CNTN4: variants seen among roughly 807,000 people sequenced by gnomAD.
CNTN4 encodes contactin 4.
In CNTN4, 77 loss-of-function variants were observed where a neutral mutation model predicts 122.5. The ratio of observed to expected loss-of-function variants is 0.63; its 90% CI spans 0.52 to 0.76. The LOEUF (loss-of-function observed/expected upper bound fraction) is 0.76, where lower values mean the gene tolerates loss of function less well. CNTN4 is among the 30% of genes least tolerant of loss of function. CNTN4 has a pLI of 0.00. For missense variants in CNTN4, 1,256 were observed against 1,259.1 expected (o/e 1.00, Z 0.04); for synonymous variants, 512 against 447.0 (o/e 1.15, Z -1.83).
intron 2 of CNTN4, among the ~76,000 whole-genome samples, chr3:2,189,594 T>G (rs1442164653): frequency 6.6e-6 from 1 of 152,130 alleles, no homozygotes; most frequent in African/African-American, 2.4e-5. Context: ...GGCCATATTC[T>G]TCTCGCCTCC....
intron 2 of CNTN4, among the ~76,000 whole-genome samples, chr3:2,206,218 A>C (rs2038335836): frequency 1.3e-5 from 2 of 152,136 alleles, no homozygotes; most frequent in Non-Finnish European, 2.9e-5. Flanking sequence ...TCCAAACAAT[A>C]GGGAAACATC....
intron 3 of CNTN4, among the ~76,000 whole-genome samples, chr3:2,424,635 G>C (rs960077081): frequency 6.6e-6 from 1 of 152,120 alleles, no homozygotes; most frequent in Non-Finnish European, 1.5e-5. Context: ...CTTGAGGAAT[G>C]GCCACACTGT....
intron 6 of CNTN4, among the ~76,000 whole-genome samples, chr3:2,788,054 T>G (rs1229313940): frequency 6.6e-6 from 1 of 152,184 alleles, no homozygotes; most frequent in Non-Finnish European, 1.5e-5. Flanking sequence ...CCTCTCAAAG[T>G]GCTCGGATTA....
chr3:2,686,840 C>CTG (rs2085457263), intron 4 of CNTN4, among the ~76,000 whole-genome samples: 1 of 152,160 alleles, frequency 6.6e-6, no homozygotes, highest in Non-Finnish European at 1.5e-5. Flanking sequence ...CTGACATCTG[C>CTG]CCACTCTGGG....
At chr3:2,613,628 T>C (rs1027576533) in intron 4 of CNTN4, among the ~76,000 whole-genome samples, 8 of 152,274 alleles carry the variant, frequency 5.3e-5, no homozygotes, top group African/African-American at 1.9e-4. Flanking sequence ...AGGGCTAATT[T>C]TGACTCCAAT....
chr3:2,590,101 T>G (rs993960474), intron 4 of CNTN4, among the ~76,000 whole-genome samples: 1 of 152,222 alleles, frequency 6.6e-6, no homozygotes, highest in Non-Finnish European at 1.5e-5. Context: ...TGGGACAAAC[T>G]GTCGTCAGTT....
At chr3:2,756,948 G>C (rs1038148506) in intron 6 of CNTN4, among the ~76,000 whole-genome samples, 2 of 152,174 alleles carry the variant, frequency 1.3e-5, no homozygotes, top group African/African-American at 4.8e-5. Context: ...AGTGGTTCCA[G>C]GAAACAAACA....
At chr3:2,586,165 C>T (rs2080194573) in intron 4 of CNTN4, among the ~76,000 whole-genome samples, 2 of 152,150 alleles carry the variant, frequency 1.3e-5, no homozygotes, top group Admixed American at 6.5e-5. Context: ...ACAAGCATGG[C>T]CTCCCCAGAA....
At chr3:2,685,335 G>T (rs1032785716) in intron 4 of CNTN4, among the ~76,000 whole-genome samples, 5 of 152,106 alleles carry the variant, frequency 3.3e-5, no homozygotes, top group Non-Finnish European at 7.4e-5. Flanking sequence ...CCTTCAATTG[G>T]TGATAAAAAT....
chr3:2,141,275 A>T (rs993425050), intron 2 of CNTN4, among the ~76,000 whole-genome samples: 2 of 152,182 alleles, frequency 1.3e-5, no homozygotes, highest in African/African-American at 4.8e-5. Flanking sequence ...AATGAGGAAA[A>T]AATTCTGGAT....
At position 2,718,458 on chromosome 3, in the gene CNTN4, C is replaced by T. The variant is rs116776262; in HGVS notation, c.56-17757C>T. Among the ~76,000 whole-genome samples, 1,366 of 152,262 alleles carry T rather than the reference C, an allele frequency of 9.0e-3. 11 individuals are homozygous for T. The highest frequency in any genetic ancestry group is 0.031 in the African/African-American group (1,297 of 41,556). ...GTTAACAACTGCTCAGATCCTACTTCAGGATGCTTTTCGTGTCAAGATCCC... is the reference window on the plus strand; with the variant it reads ...GTTAACAACTGCTCAGATCCTACTTTAGGATGCTTTTCGTGTCAAGATCCC... On this transcript the variant is annotated intron_variant, in intron 4 of 24. Coordinates refer to ENST00000418658, the MANE Select transcript of CNTN4 (RefSeq NM_175607.3).
At chr3:2,582,725 T>C (rs2080000779) in intron 4 of CNTN4, among the ~76,000 whole-genome samples, 1 of 152,138 alleles carries the variant, frequency 6.6e-6, no homozygotes, top group Non-Finnish European at 1.5e-5. Context: ...GGATAGGCAG[T>C]CACTTCACCT....
At chr3:3,041,539 A>G (rs1016218918) in intron 20 of CNTN4, among the ~76,000 whole-genome samples, 1 of 152,222 alleles carries the variant, frequency 6.6e-6, no homozygotes, top group Non-Finnish European at 1.5e-5. Flanking sequence ...TGTGGGCCTC[A>G]GCATCTTTGG....
intron 12 of CNTN4, among the ~76,000 whole-genome samples, chr3:2,906,619 C>T (rs938971523): frequency 6.6e-6 from 1 of 151,934 alleles, no homozygotes; most frequent in African/African-American, 2.4e-5. Context: ...AGGCGGATCA[C>T]CTGAGGTTGG....
chr3:2,303,640 G>C (rs73115738), intron 2 of CNTN4, among the ~76,000 whole-genome samples: 9,052 of 152,162 alleles, frequency 0.059, 887 homozygotes, highest in African/African-American at 0.21. Flanking sequence ...TCTGTTATCT[G>C]TCTTTCTCAT....
At chr3:2,643,774 A>C (rs1358851992) in intron 4 of CNTN4, among the ~76,000 whole-genome samples, 2 of 152,100 alleles carry the variant, frequency 1.3e-5, no homozygotes, top group East Asian at 3.9e-4. Flanking sequence ...GTAGACTGAG[A>C]CCACACTATT....
chr3:2,365,347 T>C (rs2045336159), intron 3 of CNTN4, among the ~76,000 whole-genome samples: 1 of 152,186 alleles, frequency 6.6e-6, no homozygotes, highest in Non-Finnish European at 1.5e-5. Context: ...ATGAGTTTGA[T>C]CTTGACATTC....
intron 2 of CNTN4, among the ~76,000 whole-genome samples, chr3:2,205,635 G>A (rs1343894195): frequency 6.6e-6 from 1 of 151,994 alleles, no homozygotes; most frequent in East Asian, 1.9e-4. Flanking sequence ...GGCACAGAAT[G>A]GCCATTTAGT....
chr3:2,537,118 A>G (rs2077841510), intron 3 of CNTN4, among the ~76,000 whole-genome samples: 1 of 152,130 alleles, frequency 6.6e-6, no homozygotes, highest in South Asian at 2.1e-4. Context: ...TGGGGGGAAT[A>G]TTGTGTTTTA....
Sources: allele counts gnomAD v4.1 joint callset (sites outside exome capture counted in the v4.1 genomes callset), GRCh38; gene constraint gnomAD v4.1.1; transcripts MANE v1.5; gene names NCBI Gene and HGNC (gene_info 2026-07-23, HGNC 2026-07-21).